YEATS2: variants seen among roughly 807,000 people sequenced by gnomAD.
The protein encoded by YEATS2 is YEATS domain-containing protein 2.
In YEATS2, 77 loss-of-function variants were observed where a neutral mutation model predicts 163.2. The ratio of observed to expected loss-of-function variants is 0.47; its 90% confidence interval spans 0.39 to 0.57. The LOEUF is 0.57. Ranked by LOEUF, YEATS2 falls within the 20% of genes least tolerant of loss-of-function variation. The pLI is 0.00. For missense variants in YEATS2, 1,549 were observed against 1,729.8 expected, an observed-to-expected ratio of 0.90 and a Z score of 1.85; for synonymous variants, 631 against 645.1, an observed-to-expected ratio of 0.98 and a Z score of 0.33.
At chr3:183,768,158 G>A (rs1480535761) in intron 15 of YEATS2, among the ~76,000 whole-genome samples, 4 of 152,302 alleles carry the variant, frequency 2.6e-5, no homozygotes, top group Non-Finnish European at 2.9e-5. Flanking sequence ...TACAGTCATC[G>A]AGAATCTAGA....
At chr3:183,800,648 G>T in intron 24 of YEATS2, 80 bp downstream of exon 24, 1 of 1,149,256 alleles carries the variant, frequency 8.7e-7, no homozygotes, top group Non-Finnish European at 1.3e-6. Context: ...GTGCAGAGTT[G>T]TGTGTGTGTA....
At chr3:183,785,158 C>A (rs1023066989) in intron 19 of YEATS2, among the ~76,000 whole-genome samples, 1 of 151,666 alleles carries the variant, frequency 6.6e-6, no homozygotes, top group African/African-American at 2.4e-5. Flanking sequence ...ATAATGGTGA[C>A]CCTGTCTCTG....
chr3:183,786,058 A>C, intron 19 of YEATS2, 67 bp from the exon 20 acceptor site: 1 of 1,532,950 alleles, frequency 6.5e-7, no homozygotes, highest in South Asian at 1.2e-5. Context: ...CTCAGCTGTC[A>C]GTAAGGAATG....
intron 15 of YEATS2, among the ~76,000 whole-genome samples, chr3:183,770,124 C>T (rs1370641697): frequency 1.3e-5 from 2 of 151,900 alleles, no homozygotes; most frequent in Admixed American, 6.6e-5. Context: ...TGCGGTGGCT[C>T]ACACCTGTAA....
intron 13 of YEATS2, among the ~76,000 whole-genome samples, chr3:183,760,726 T>C (rs1022349788): frequency 2.0e-5 from 3 of 152,202 alleles, no homozygotes; most frequent in Admixed American, 6.5e-5. Context: ...ATTGAAAATT[T>C]TTCCTTTGTA....
At chr3:183,793,390 T>C in intron 21 of YEATS2, 1 of 1,079,746 alleles carries the variant, frequency 9.3e-7, no homozygotes, top group Non-Finnish European at 1.1e-6. Context: ...CAACTTCTAG[T>C]ATAGGGAGTA....
At chr3:183,790,426 T>C (rs1724508977) in intron 20 of YEATS2, among the ~76,000 whole-genome samples, 1 of 151,534 alleles carries the variant, frequency 6.6e-6, no homozygotes, top group South Asian at 2.1e-4. Flanking sequence ...AAGTGAATCA[T>C]TGTCATGTGT....
intron 13 of YEATS2, among the ~76,000 whole-genome samples, chr3:183,760,104 T>G (rs1421549311): frequency 5.3e-5 from 8 of 152,180 alleles, no homozygotes; most frequent in Non-Finnish European, 1.2e-4. Context: ...GGCGAGGCTG[T>G]TCTCTAAGTT....
chr3:183,718,698 T>G (rs1168737815), intron 4 of YEATS2, 106 bp downstream of exon 4: 8 of 1,028,420 alleles, frequency 7.8e-6, no homozygotes, highest in Middle Eastern at 4.2e-4. Flanking sequence ...TCTTTCTGTT[T>G]GTTTTTTGGT....
In YEATS2 at chr3:183,724,551, T is replaced by C. The variant is rs767559918; in HGVS notation, c.650+20T>C. On this transcript the variant is annotated intron_variant, in intron 6 of 30. Coordinates refer to ENST00000305135, the MANE Select transcript of YEATS2 (RefSeq NM_018023.5). ...GTCCAAGTGAGTATCCAGTTGAATT[T>C]ATTTTTATTTGTCCATTTGTGTTAA... 14 of 1,545,902 alleles carry C rather than the reference T, an allele frequency of 9.1e-6. No individual in the cohort carries two copies. In the East Asian group the frequency reaches 3.2e-4, roughly 35 times the overall value.
chr3:183,711,031 C>T (rs950558628), intron 1 of YEATS2, among the ~76,000 whole-genome samples: 1 of 152,070 alleles, frequency 6.6e-6, no homozygotes, highest in African/African-American at 2.4e-5. Flanking sequence ...AGATTCCTAT[C>T]TGCATTAAGG....
intron 8 of YEATS2, among the ~76,000 whole-genome samples, chr3:183,745,129 C>T (rs1719388621): frequency 6.6e-6 from 1 of 152,186 alleles, no homozygotes. Flanking sequence ...GGATTATAGG[C>T]GTGAGCCACC....
chr3:183,749,920 C>G (rs1430889143), intron 9 of YEATS2, among the ~76,000 whole-genome samples: 2 of 152,150 alleles, frequency 1.3e-5, no homozygotes, highest in Non-Finnish European at 2.9e-5. Flanking sequence ...CGGGTTCACG[C>G]CATTCTCCTG....
intron 21 of YEATS2, among the ~76,000 whole-genome samples, chr3:183,797,551 T>TAA (rs1725272931): frequency 6.7e-6 from 1 of 149,342 alleles, no homozygotes; most frequent in South Asian, 2.1e-4. Context: ...ACACAATAAA[T>TAA]AAATAAATAA....
chr3:183,810,172 G>A (rs185807421), intron 30 of YEATS2: 31 of 250,124 alleles, frequency 1.2e-4, no homozygotes, highest in African/African-American at 6.1e-4. Flanking sequence ...CTCAGCTTTC[G>A]GTCTGCTGAG....
chr3:183,711,814 G>GTT (rs34498145), intron 1 of YEATS2, among the ~76,000 whole-genome samples: 58 of 145,784 alleles, frequency 4.0e-4, no homozygotes, highest in East Asian at 2.0e-3. Context: ...TAAATAGTGT[G>GTT]TTTTTTTTTT....
intron 15 of YEATS2, among the ~76,000 whole-genome samples, chr3:183,770,674 C>T (rs116171758): frequency 0.011 from 1,678 of 152,318 alleles, 34 homozygotes; most frequent in African/African-American, 0.038. Context: ...TAGCCTTCCA[C>T]TCCATGCGCT....
intron 19 of YEATS2, among the ~76,000 whole-genome samples, chr3:183,785,656 T>TA (rs902050511): frequency 6.6e-6 from 1 of 151,918 alleles, no homozygotes; most frequent in Non-Finnish European, 1.5e-5. Flanking sequence ...ACCCTGTCTC[T>TA]AAAAAAATAA....
Position 183,721,980 on chromosome 3 carries a change from T to G in YEATS2, c.381T>G (p.Asn127Lys). 1.2e-6 allele frequency: 2 copies of G among 1,614,170 alleles called. No homozygotes were observed. Among genetic ancestry groups the G allele is most frequent in the South Asian group, 2.2e-5 (2 of 91,082 alleles). Reference protein sequence around the residue: ...ESPSRSSSPANQRAETPSANH... With the variant: ...ESPSRSSSPAKQRAETPSANH... ...CATCTAGGTCATCATCTCCTGCCAA[T>G]CAGAGAGCAGAAACACCATCAGCCA... The change falls in exon 5 of 31, where the codon AAT (asparagine) becomes AAG (lysine). Residue 127 changes from asparagine (N) to lysine (K), a missense_variant. By Grantham distance (94) the Asn-to-Lys change is moderately conservative. Coordinates refer to ENST00000305135, the MANE Select transcript of YEATS2 (RefSeq NM_018023.5).
Sources: gnomAD v4.1 joint callset for allele counts (sites outside exome capture counted in the v4.1 genomes callset) on GRCh38, gnomAD v4.1.1 for gene constraint, MANE v1.5 for transcripts, NCBI Gene and HGNC (gene_info 2026-07-23, HGNC 2026-07-21) for gene names.